Variants in NFIA observed in about 807,000 individuals in gnomAD.
NFIA encodes the protein nuclear factor I A, also known as nuclear factor 1 A-type.
NFIA carries 8 observed loss-of-function variants against 62.8 expected under a neutral mutation model. The observed-to-expected ratio is 0.13, with a 90% CI of 0.07 to 0.23. The LOEUF (loss-of-function observed/expected upper bound fraction) is 0.23. NFIA is among the 10% of genes least tolerant of loss of function. NFIA has a pLI of 1.00. For synonymous variants in NFIA, 235 were observed against 238.1 expected, an observed-to-expected ratio of 0.99 and a Z score of 0.12; for missense variants, 410 against 642.1, an observed-to-expected ratio of 0.64 and a Z score of 3.91.
Position 61,452,411 on chromosome 1 carries a change from A to C in NFIA, c.1513-2892A>C, listed in dbSNP as rs892734586. Among the ~76,000 whole-genome samples, 9 of 152,194 alleles carry C rather than the reference A, an allele frequency of 5.9e-5. No homozygotes were observed. In the South Asian group the frequency reaches 6.2e-4, roughly 10 times the overall value. ...TGGTCAAGTAGCTGGGTTAATTGTC[A>C]TGAAGATTAGTGTGATGTTGAAATA... On this transcript the variant is annotated intron_variant, in intron 10 of 10. Transcript: ENST00000403491.
intron 2 of NFIA, among the ~76,000 whole-genome samples, chr1:61,252,744 A>G (rs1174121982): frequency 1.3e-5 from 2 of 152,242 alleles, no homozygotes; most frequent in East Asian, 3.8e-4. Flanking sequence ...AAGATTGGCC[A>G]AAGAATGTAC....
At chr1:61,150,881 T>C (rs1412428813) in intron 2 of NFIA, among the ~76,000 whole-genome samples, 1 of 150,812 alleles carries the variant, frequency 6.6e-6, no homozygotes, top group Non-Finnish European at 1.5e-5. Flanking sequence ...AGGTGGGAGG[T>C]GAAGAGAATG....
chr1:61,242,552 A>T (rs767649312), intron 2 of NFIA, among the ~76,000 whole-genome samples: 1 of 152,180 alleles, frequency 6.6e-6, no homozygotes, highest in South Asian at 2.1e-4. Flanking sequence ...AGTTTGAAGA[A>T]TGACCTAGAA....
At chr1:61,444,070 T>G (rs186297949) in intron 10 of NFIA, among the ~76,000 whole-genome samples, 25 of 152,318 alleles carry the variant, frequency 1.6e-4, no homozygotes, top group Admixed American at 1.2e-3. Flanking sequence ...CTTCATAACT[T>G]AATCTTCAAG....
At chr1:61,192,071 T>TG (rs35581974) in intron 2 of NFIA, among the ~76,000 whole-genome samples, 48,181 of 151,896 alleles carry the variant, frequency 0.32, 8,592 homozygotes, top group East Asian at 0.56. Flanking sequence ...GCAGTTCTCC[T>TG]CCTCAGCCTC....
chr1:61,363,067 A>G (rs1409290285), intron 6 of NFIA, among the ~76,000 whole-genome samples: 1 of 152,164 alleles, frequency 6.6e-6, no homozygotes, highest in African/African-American at 2.4e-5. Flanking sequence ...TAAAAAATTA[A>G]CCTCCTTTAA....
intron 1 of NFIA, 22 bp downstream of exon 1, chr1:61,082,840 G>T (rs1201310193): frequency 3.2e-6 from 5 of 1,547,180 alleles, no homozygotes; most frequent in Admixed American, 2.0e-5. Context: ...CGTGGATGCG[G>T]AGGGCTTGGG....
intron 2 of NFIA, among the ~76,000 whole-genome samples, chr1:61,158,719 C>T (rs764196387): frequency 2.0e-5 from 3 of 152,080 alleles, no homozygotes; most frequent in Non-Finnish European, 4.4e-5. Context: ...CTTTATGTCG[C>T]GAGAGGGGTT....
intron 10 of NFIA, among the ~76,000 whole-genome samples, chr1:61,437,532 A>G (rs140202425): frequency 6.6e-5 from 10 of 152,274 alleles, no homozygotes; most frequent in African/African-American, 1.9e-4. Context: ...AGCACCTACT[A>G]TGTTCCTGGC....
At chr1:61,379,191 A>G (rs1664288536) in intron 6 of NFIA, among the ~76,000 whole-genome samples, 1 of 152,132 alleles carries the variant, frequency 6.6e-6, no homozygotes, top group South Asian at 2.1e-4. Flanking sequence ...AGGCATCATT[A>G]TACAAGGCTG....
intron 6 of NFIA, among the ~76,000 whole-genome samples, chr1:61,382,542 C>T (rs144688142): frequency 5.3e-5 from 8 of 152,174 alleles, no homozygotes; most frequent in Admixed American, 2.0e-4. Flanking sequence ...TAGAAATAGC[C>T]TTTTCAATGG....
chr1:61,190,899 T>C (rs1045063292), intron 2 of NFIA, among the ~76,000 whole-genome samples: 27 of 152,224 alleles, frequency 1.8e-4, no homozygotes, highest in African/African-American at 6.5e-4. Flanking sequence ...TCTGGCAGTT[T>C]TTAAATTGAG....
intron 2 of NFIA, among the ~76,000 whole-genome samples, chr1:61,152,147 GTTGT>G (rs752773099): frequency 2.2e-4 from 34 of 152,250 alleles, no homozygotes; most frequent in Middle Eastern, 3.4e-3. Flanking sequence ...CAAATTTATG[GTTGT>G]TTATTCTCTC....
chr1:61,215,645 A>G (rs558904645), intron 2 of NFIA, among the ~76,000 whole-genome samples: 20 of 152,366 alleles, frequency 1.3e-4, no homozygotes, highest in African/African-American at 4.3e-4. Context: ...GAGATAAGCC[A>G]ATTTTATATC....
chr1:61,264,680 A>AAT (rs1657042347), intron 2 of NFIA, among the ~76,000 whole-genome samples: 2 of 127,494 alleles, frequency 1.6e-5, no homozygotes, highest in Non-Finnish European at 3.3e-5. Flanking sequence ...AAAAAAAAAA[A>AAT]GGATTTCCCG....
chr1:61,259,597 T>TGCCAAGGGAAGGGAAAGAGGAA (rs1553166221), intron 2 of NFIA, among the ~76,000 whole-genome samples: 1 of 152,146 alleles, frequency 6.6e-6, no homozygotes, highest in Non-Finnish European at 1.5e-5. Flanking sequence ...GAAAGGATTC[T>TGCCAAGGGAAGGGAAAGAGGAA]GACGTTATCT....
At chr1:61,362,293 TG>T (rs1255139194) in intron 6 of NFIA, among the ~76,000 whole-genome samples, 1 of 152,162 alleles carries the variant, frequency 6.6e-6, no homozygotes, top group Admixed American at 6.6e-5. Context: ...TTCAGAAATA[TG>T]TTGGGAGTTA....
At chr1:61,283,132 G>T (rs973601581) in intron 3 of NFIA, among the ~76,000 whole-genome samples, 6 of 152,130 alleles carry the variant, frequency 3.9e-5, no homozygotes, top group African/African-American at 1.4e-4. Context: ...GTTAAAAGAG[G>T]TATCATTGTT....
rs925284225 is a variant in NFIA at position 61,460,109 on chromosome 1, G to T, written c.*4789G>T. On this transcript the variant is annotated 3_prime_UTR_variant, in exon 11 of 11. Coordinates refer to ENST00000403491, the MANE Select transcript of NFIA (RefSeq NM_001134673.4). ...TGTCCAAAGACAGTCTCAGAAAGCT[G>T]CACTGCCCACCGGCTCAGCTTTCAT... 6.6e-6 allele frequency: 1 copy of T among 152,154 alleles called. No individual in the cohort carries two copies. The highest frequency in any genetic ancestry group is 2.4e-5 in the African/African-American group (1 of 41,432). The allele number at this position is 152,154 out of a possible 1,614,324, so 9.4% of individuals were successfully genotyped here.
Sources: allele counts gnomAD v4.1 joint callset (sites outside exome capture counted in the v4.1 genomes callset), GRCh38; gene constraint gnomAD v4.1.1; transcripts MANE v1.5; gene names NCBI Gene and HGNC (gene_info 2026-07-23, HGNC 2026-07-21).